The following MTBP variants were observed in gnomAD, a reference collection of about 807,000 sequenced individuals.
The protein encoded by MTBP is mdm2-binding protein.
MTBP carries 101 observed loss-of-function variants against 117.0 expected under a neutral mutation model. The ratio of observed to expected loss-of-function variants is 0.86; its 90% CI spans 0.73 to 1.02. MTBP has a LOEUF of 1.02. MTBP is among the 50% of genes least tolerant of loss of function. The probability of loss-of-function intolerance (pLI) is 0.00; values close to 1 mark genes in which losing one functional copy is unlikely to be tolerated. For missense variants in MTBP, 970 were observed against 1,030.9 expected (o/e 0.94, Z 0.81); for synonymous variants, 350 against 351.5 (o/e 1.00, Z 0.05).
intron 10 of MTBP, among the ~76,000 whole-genome samples, 191 bp downstream of exon 10, chr8:120,463,952 A>G (rs1216777631): frequency 6.6e-6 from 1 of 152,098 alleles, no homozygotes; most frequent in Non-Finnish European, 1.5e-5. Context: ...CTGTAAAAGT[A>G]CTCTGCAAAC....
intron 13 of MTBP, among the ~76,000 whole-genome samples, chr8:120,492,060 A>G (rs1465988793): frequency 6.6e-6 from 1 of 152,228 alleles, no homozygotes; most frequent in Non-Finnish European, 1.5e-5. Flanking sequence ...AGACTGGGCA[A>G]AGAGTAAGGT....
At chr8:120,516,335 T>G (rs1814918964) in intron 18 of MTBP, 144 bp downstream of exon 18, 1 of 762,042 alleles carries the variant, frequency 1.3e-6, no homozygotes, top group South Asian at 2.1e-5. Flanking sequence ...ATTTTGCTTA[T>G]AAGTTATAAA....
At chr8:120,486,623 C>T (rs961442306) in intron 11 of MTBP, among the ~76,000 whole-genome samples, 5 of 152,148 alleles carry the variant, frequency 3.3e-5, no homozygotes, top group African/African-American at 1.2e-4. Flanking sequence ...ACAGCCTGCT[C>T]CTTCCCATGA....
At chr8:120,447,673 C>A (rs917178002) in intron 2 of MTBP, among the ~76,000 whole-genome samples, 2 of 151,946 alleles carry the variant, frequency 1.3e-5, no homozygotes, top group Non-Finnish European at 2.9e-5. Context: ...ATTAAAAATT[C>A]TCTTACTGTT....
At chr8:120,506,305 C>G (rs1563803394) in intron 15 of MTBP, among the ~76,000 whole-genome samples, 1 of 151,874 alleles carries the variant, frequency 6.6e-6, no homozygotes, top group Non-Finnish European at 1.5e-5. Context: ...CAGTCACTTC[C>G]CTCAAAAATT....
At chr8:120,519,954 G>A (rs141565351) in intron 20 of MTBP, among the ~76,000 whole-genome samples, 19 of 152,198 alleles carry the variant, frequency 1.2e-4, no homozygotes, top group South Asian at 6.2e-4. Context: ...GGAAATAGTC[G>A]CTGGGGAAAA....
At chr8:120,474,965 A>G (rs746388161) in intron 11 of MTBP, among the ~76,000 whole-genome samples, 1 of 152,096 alleles carries the variant, frequency 6.6e-6, no homozygotes, top group South Asian at 2.1e-4. Flanking sequence ...ACATATTTGT[A>G]TATGCATTAA....
intron 13 of MTBP, among the ~76,000 whole-genome samples, chr8:120,495,253 C>T (rs1406612565): frequency 6.6e-6 from 1 of 152,130 alleles, no homozygotes; most frequent in Non-Finnish European, 1.5e-5. Context: ...AATGATACTA[C>T]TTCATTGTCT....
chr8:120,508,664 G>C (rs1443490891), intron 16 of MTBP, among the ~76,000 whole-genome samples: 1 of 152,184 alleles, frequency 6.6e-6, no homozygotes, highest in Non-Finnish European at 1.5e-5. Flanking sequence ...AATGCCATAG[G>C]GGGGAAAATG....
intron 20 of MTBP, among the ~76,000 whole-genome samples, chr8:120,519,219 A>G (rs1814973634): frequency 6.6e-6 from 1 of 151,450 alleles, no homozygotes; most frequent in Admixed American, 6.6e-5. Flanking sequence ...TGTACTGAAC[A>G]TGTACAGACT....
intron 10 of MTBP, 27 bp from the exon 11 acceptor site, chr8:120,470,793 A>G (rs1286273537): frequency 1.4e-6 from 2 of 1,478,480 alleles, no homozygotes; most frequent in Non-Finnish European, 1.9e-6. Context: ...ATGTGCAATC[A>G]ATAAAAATAT....
intron 11 of MTBP, among the ~76,000 whole-genome samples, chr8:120,485,895 C>T (rs1814203620): frequency 6.6e-6 from 1 of 152,102 alleles, no homozygotes; most frequent in African/African-American, 2.4e-5. Context: ...CCACATTCAC[C>T]CTGGGAATCC....
At chr8:120,477,218 G>A (rs1025675018) in intron 11 of MTBP, among the ~76,000 whole-genome samples, 2 of 152,070 alleles carry the variant, frequency 1.3e-5, no homozygotes, top group African/African-American at 4.8e-5. Flanking sequence ...GCTGAAACTG[G>A]ACCCCTTCCT....
intron 10 of MTBP, among the ~76,000 whole-genome samples, chr8:120,467,290 G>C (rs1439623818): frequency 2.0e-5 from 3 of 152,144 alleles, no homozygotes; most frequent in African/African-American, 7.2e-5. Context: ...CTGCTTGTTG[G>C]AGAGGACCTA....
At chr8:120,501,996 C>T (rs918796502) in intron 14 of MTBP, among the ~76,000 whole-genome samples, 1 of 152,126 alleles carries the variant, frequency 6.6e-6, no homozygotes, top group Non-Finnish European at 1.5e-5. Flanking sequence ...ATCTTGGTTT[C>T]TGCGAGAGAA....
At chr8:120,469,497 ACCAC>A (rs1472899515) in intron 10 of MTBP, among the ~76,000 whole-genome samples, 2 of 152,126 alleles carry the variant, frequency 1.3e-5, no homozygotes, top group Non-Finnish European at 2.9e-5. Flanking sequence ...CGGCCGCTAT[ACCAC>A]TCATCTTCAA....
At chr8:120,502,405 A>G in intron 14 of MTBP, 87 bp from the exon 15 acceptor site, 2 of 830,366 alleles carry the variant, frequency 2.4e-6, no homozygotes, top group East Asian at 2.5e-5. Context: ...ACACACACGT[A>G]TGTATGTGTC....
intron 11 of MTBP, among the ~76,000 whole-genome samples, chr8:120,477,496 C>G (rs891578334): frequency 1.2e-4 from 19 of 152,158 alleles, no homozygotes; most frequent in Non-Finnish European, 1.9e-4. Context: ...TTTTTGCAAT[C>G]TATCCATCTG....
chr8:120,480,362 A>G (rs1423808368), intron 11 of MTBP, among the ~76,000 whole-genome samples: 1 of 152,180 alleles, frequency 6.6e-6, no homozygotes, highest in Non-Finnish European at 1.5e-5. Context: ...GTGAGCCGAG[A>G]TCACGCCACT....
Sources: gnomAD v4.1 joint callset for allele counts (sites outside exome capture counted in the v4.1 genomes callset) on GRCh38, gnomAD v4.1.1 for gene constraint, MANE v1.5 for transcripts, NCBI Gene and HGNC (gene_info 2026-07-23, HGNC 2026-07-21) for gene names.